The following RGS12 variants were observed in gnomAD, a reference collection of about 807,000 sequenced individuals.
The protein encoded by RGS12 is regulator of G protein signaling 12.
In RGS12, 66 loss-of-function variants were observed where a neutral mutation model predicts 120.1. The observed-to-expected ratio is 0.55, with a 90% confidence interval of 0.45 to 0.67. RGS12 has a LOEUF of 0.67. RGS12 is among the 30% of genes least tolerant of loss of function. RGS12 has a pLI of 0.00. For synonymous variants in RGS12, 827 were observed against 804.7 expected (o/e 1.03, Z -0.47); for missense variants, 1,859 against 1,957.7 (o/e 0.95, Z 0.95).
upstream of RGS12, among the ~76,000 whole-genome samples, chr4:3,288,823 T>TCAGGGGCCC (rs1486918280): frequency 6.6e-6 from 1 of 152,174 alleles, no homozygotes; most frequent in African/African-American, 2.4e-5. The surrounding 1 kb of genome is among the most constrained non-coding windows in gnomAD (Gnocchi z 5.2). Context: ...GCTGGGGGCC[T>TCAGGGGCCC]CAGGGGCCCC....
chr4:3,342,906 A>G, intron 2 of RGS12, 31 bp from the exon 3 acceptor site: 2 of 1,446,240 alleles, frequency 1.4e-6, no homozygotes, highest in Non-Finnish European at 1.9e-6. Flanking sequence ...TTGCAAAAGA[A>G]TAACCTGATG....
At chr4:3,434,713 C>T (rs956070114) in intron 17 of RGS12, among the ~76,000 whole-genome samples, 7 of 152,346 alleles carry the variant, frequency 4.6e-5, no homozygotes, top group South Asian at 2.1e-4. Flanking sequence ...GCACAGTGCT[C>T]CTTCTGTACG....
intron 1 of RGS12, among the ~76,000 whole-genome samples, chr4:3,309,113 T>G (rs1303309094): frequency 1.5e-4 from 12 of 78,190 alleles, no homozygotes; most frequent in African/African-American, 2.6e-4. Context: ...GGAACCGTGT[T>G]GAGGAGGAGC....
At chr4:3,349,852 G>A (rs565776981) in intron 3 of RGS12, among the ~76,000 whole-genome samples, 1 of 152,220 alleles carries the variant, frequency 6.6e-6, no homozygotes, top group South Asian at 2.1e-4. Context: ...AGCAATGTAT[G>A]TTTTAGTACT....
At chr4:3,416,691 G>C (rs539390619) in intron 7 of RGS12, among the ~76,000 whole-genome samples, 1 of 152,312 alleles carries the variant, frequency 6.6e-6, no homozygotes, top group East Asian at 1.9e-4. Flanking sequence ...TTAATTTTAA[G>C]AGTGATAAAG....
chr4:3,362,322 C>T (rs1715650386), intron 3 of RGS12, among the ~76,000 whole-genome samples: 1 of 152,112 alleles, frequency 6.6e-6, no homozygotes, highest in Non-Finnish European at 1.5e-5. Context: ...AGTGTGTCGC[C>T]TCATGTCATG....
At chr4:3,361,231 G>C (rs192805334) in intron 3 of RGS12, among the ~76,000 whole-genome samples, 124 of 152,292 alleles carry the variant, frequency 8.1e-4, no homozygotes, top group Non-Finnish European at 1.5e-3. Context: ...CATGGTTTTA[G>C]GTTACATGCT....
intron 3 of RGS12, among the ~76,000 whole-genome samples, chr4:3,360,756 C>T (rs1007635516): frequency 1.8e-4 from 28 of 152,078 alleles, no homozygotes; most frequent in Non-Finnish European, 4.1e-4. Flanking sequence ...CAAAACATAC[C>T]GTTCCTAGAA....
At chr4:3,318,376 C>G (rs1724951732) in intron 2 of RGS12, among the ~76,000 whole-genome samples, 1 of 152,200 alleles carries the variant, frequency 6.6e-6, no homozygotes, top group African/African-American at 2.4e-5. Flanking sequence ...CCTCCCCTTC[C>G]TGCTCCTCCC....
At position 3,371,824 on chromosome 4, in the gene RGS12, C is replaced by T. The variant is rs185525499; in HGVS notation, c.1999-14592C>T. 1.9e-3 allele frequency among the ~76,000 whole-genome samples: 283 copies of T among 152,314 alleles called. 1 individual carries two copies. Among genetic ancestry groups the T allele is most frequent in the African/African-American group, 6.7e-3 (278 of 41,572 alleles). On this transcript the variant is annotated intron_variant, in intron 3 of 17. Coordinates refer to ENST00000336727, the MANE Select transcript of RGS12 (RefSeq NM_001394154.1). ...GGGTCAGGGAATGCTGGGGTGCCGC[C>T]GTCCGTGTCCGCAGCAGCGCTCTTT...
Position 3,389,887 on chromosome 4 carries a change from C to T in RGS12, c.2020+3450C>T, listed in dbSNP as rs183858569. Reference sequence around the variant, plus strand: ...AGCCTCACCCTGGGGACCCCCGACACGTACTAGTCGCAGTCCTCCATCCCC... The same window carrying T: ...AGCCTCACCCTGGGGACCCCCGACATGTACTAGTCGCAGTCCTCCATCCCC... On this transcript the variant is annotated intron_variant, in intron 4 of 17. Coordinates refer to ENST00000336727, the MANE Select transcript of RGS12 (RefSeq NM_001394154.1). This position sits in a 1 kb window ranked among gnomAD's most constrained non-coding sequence, Gnocchi z 5.2. 3.9e-5 allele frequency among the ~76,000 whole-genome samples: 6 copies of T among 152,308 alleles called. 1 individual carries two copies. The highest frequency in any genetic ancestry group is 7.4e-5 in the Non-Finnish European group (5 of 68,024).
At chr4:3,395,351 T>C (rs1040339655) in intron 4 of RGS12, among the ~76,000 whole-genome samples, 1 of 152,234 alleles carries the variant, frequency 6.6e-6, no homozygotes. Context: ...GGTGCAAATA[T>C]GGCATCGTTC....
rs1386353947 is a variant in RGS12 at position 3,430,713 on chromosome 4, G to A, written c.3872G>A (p.Gly1291Glu). ...PPGPPGTTPP[G>E]QKSPSGPFCT... ...GGACCTCCTGGGACGACCCCCCCCGGGCAGAAGTCTCCCAGCGGGCCCTTC... is the reference window on the plus strand; with the variant it reads ...GGACCTCCTGGGACGACCCCCCCCGAGCAGAAGTCTCCCAGCGGGCCCTTC... Residue 1291 changes from glycine to glutamate, a missense_variant, in exon 17 of 18, where the codon GGG (glycine) becomes GAG (glutamate). This residue lies in a region of RGS12 where 517 missense variants were observed against 488.5 expected (regional missense o/e 1.06). Transcript: ENST00000336727. 4 of 1,585,890 alleles carry A rather than the reference G, an allele frequency of 2.5e-6. No individual in the cohort carries two copies. Among genetic ancestry groups the A allele is most frequent in the Admixed American group, 3.5e-5 (2 of 57,906 alleles).
intron 3 of RGS12, among the ~76,000 whole-genome samples, chr4:3,364,173 C>T (rs16844195): frequency 0.018 from 2,727 of 152,200 alleles, 68 homozygotes; most frequent in African/African-American, 0.059. Flanking sequence ...CTGTATAAGC[C>T]CTGGGGATGG....
At chr4:3,340,881 C>T (rs919031947) in intron 2 of RGS12, among the ~76,000 whole-genome samples, 1 of 152,156 alleles carries the variant, frequency 6.6e-6, no homozygotes, top group African/African-American at 2.4e-5. Flanking sequence ...TTGGAGTGAG[C>T]TGGCAACTGT....
chr4:3,309,098 T>C (rs1297249842), intron 1 of RGS12, among the ~76,000 whole-genome samples: 1 of 121,372 alleles, frequency 8.2e-6, no homozygotes, highest in East Asian at 2.4e-4. Context: ...AGGTGTCTGC[T>C]GAGGGGAACC....
chr4:3,393,547 G>A (rs1229337854), intron 4 of RGS12, among the ~76,000 whole-genome samples: 1 of 152,174 alleles, frequency 6.6e-6, no homozygotes, highest in Non-Finnish European at 1.5e-5. Context: ...TGGGCTGACA[G>A]CTCTGGGTGG....
upstream of RGS12, among the ~76,000 whole-genome samples, chr4:3,290,184 G>C (rs1722980755): frequency 6.6e-6 from 1 of 152,136 alleles, no homozygotes. Context: ...TGAGATTGCT[G>C]GATCACACGG....
chr4:3,295,076 T>C (rs1214446632), intron 1 of RGS12, among the ~76,000 whole-genome samples: 1 of 151,886 alleles, frequency 6.6e-6, no homozygotes, highest in Non-Finnish European at 1.5e-5. Flanking sequence ...GATGAGGGTC[T>C]CGGGGAAGAA....
Sources: allele counts gnomAD v4.1 joint callset (sites outside exome capture counted in the v4.1 genomes callset), GRCh38; gene constraint gnomAD v4.1.1; regional missense constraint gnomAD v4.1.1; non-coding constraint Gnocchi (gnomAD v3.1); transcripts MANE v1.5; gene names NCBI Gene and HGNC (gene_info 2026-07-23, HGNC 2026-07-21).